THAP12: variants seen among roughly 807,000 people sequenced by gnomAD.
The protein encoded by THAP12 is 52 kDa repressor of the inhibitor of the protein kinase.
Under a neutral mutation model 63.0 loss-of-function variants are expected in THAP12, and 20 were observed. The observed-to-expected ratio is 0.32, with a 90% CI of 0.22 to 0.46. The LOEUF (loss-of-function observed/expected upper bound fraction) is 0.46. Among genes scored for constraint, THAP12 ranks in the 20% least tolerant of loss-of-function variants. The pLI, the probability that THAP12 is intolerant of heterozygous loss-of-function variation, is 1.00. For synonymous variants in THAP12, 264 were observed against 328.4 expected, an observed-to-expected ratio of 0.80 and a Z score of 2.12; for missense variants, 568 against 908.2, an observed-to-expected ratio of 0.63 and a Z score of 4.81.
chr11:76,362,836 T>A (rs1405068187), intron 2 of THAP12, among the ~76,000 whole-genome samples: 1 of 152,048 alleles, frequency 6.6e-6, no homozygotes, highest in African/African-American at 2.4e-5. Flanking sequence ...ATGAAAAAAA[T>A]GACATTTTAC....
intron 1 of THAP12, among the ~76,000 whole-genome samples, chr11:76,375,624 C>G (rs1200557122): frequency 2.0e-5 from 3 of 151,690 alleles, no homozygotes; most frequent in Non-Finnish European, 4.4e-5. Flanking sequence ...GGGAAATGTA[C>G]TGTTTTAATA....
chr11:76,372,367 A>G (rs1590806377), intron 1 of THAP12, among the ~76,000 whole-genome samples: 1 of 150,738 alleles, frequency 6.6e-6, no homozygotes, highest in Non-Finnish European at 1.5e-5. Flanking sequence ...CAGCATTTCT[A>G]AAAGTGTATT....
chr11:76,370,887 TC>T (rs1946669913), intron 1 of THAP12, among the ~76,000 whole-genome samples: 2 of 151,582 alleles, frequency 1.3e-5, no homozygotes, highest in African/African-American at 4.8e-5. Context: ...ACATGTGTAT[TC>T]ATATGTGTAT....
chr11:76,351,041 A>G lies in THAP12; in HGVS notation c.2109T>C (p.Arg703=). The change falls in exon 5 of 5, where the codon CGT becomes CGC. Residue 703 remains arginine, a synonymous_variant. Coordinates refer to ENST00000260045, the MANE Select transcript of THAP12 (RefSeq NM_004705.4). ...AAGTGTTCCTCAAATATGCTTTAAG[A>G]CGCTTTCGTCCATTTTCATACCGCT... ...ENERYENGRK[R]LKAYLRNTLT... is the part of the protein sequence containing the mutation. 1 of 1,612,018 alleles carries G rather than the reference A, an allele frequency of 6.2e-7. No individual in the cohort carries two copies. Among genetic ancestry groups the G allele is most frequent in the Non-Finnish European group, 8.5e-7 (1 of 1,179,830 alleles).
chr11:76,359,967 A>G lies in THAP12; in HGVS notation c.318+989T>C, dbSNP rs193228098. ...AACAGTGTGGTATAGTTGCAAACAA[A>G]TAATACAGTGAAATGGAACAGAACT... On this transcript the variant is annotated intron_variant, in intron 3 of 4. Coordinates refer to ENST00000260045, the MANE Select transcript of THAP12 (RefSeq NM_004705.4). 1.3e-4 allele frequency among the ~76,000 whole-genome samples: 20 copies of G among 152,360 alleles called. No individual in the cohort carries two copies. In the East Asian group the frequency reaches 3.5e-3, roughly 26 times the overall value.
intron 1 of THAP12, among the ~76,000 whole-genome samples, chr11:76,370,841 A>AT (rs1555025523): frequency 0.026 from 2,543 of 96,224 alleles, 29 homozygotes; most frequent in East Asian, 0.044. Flanking sequence ...AAAAAAAAAA[A>AT]AAATATATAT....
chr11:76,355,399 G>A (rs552691452), intron 4 of THAP12, among the ~76,000 whole-genome samples: 2 of 152,230 alleles, frequency 1.3e-5, no homozygotes, highest in Non-Finnish European at 2.9e-5. Flanking sequence ...CATGAGGCCT[G>A]CATATAGCAT....
chr11:76,355,492 A>C, intron 4 of THAP12, 126 bp downstream of exon 4: 1 of 845,260 alleles, frequency 1.2e-6, no homozygotes, highest in Non-Finnish European at 1.7e-6. Flanking sequence ...ACAGGACAAA[A>C]TTGAGCACAC....
intron 1 of THAP12, among the ~76,000 whole-genome samples, chr11:76,366,195 T>C (rs1301758732): frequency 1.3e-5 from 2 of 152,158 alleles, no homozygotes; most frequent in Non-Finnish European, 2.9e-5. Context: ...AGTAACTTGT[T>C]TGGAGGGAAG....
chr11:76,376,035 G>C (rs529869218), intron 1 of THAP12, among the ~76,000 whole-genome samples: 1 of 152,266 alleles, frequency 6.6e-6, no homozygotes, highest in South Asian at 2.1e-4. Flanking sequence ...GTGGATTCGA[G>C]GTTACCAAAG....
In THAP12 at chr11:76,380,748, C is replaced by A; in HGVS notation, c.89G>T (p.Arg30Ile). Residue 30 changes from arginine to isoleucine, a missense_variant and splice_region_variant, in exon 1 of 5, where the codon AGA becomes ATA. Transcript: ENST00000260045. ...AFFRFPRDPARCQKWVENCRR... is the reference protein window; with the variant it reads ...AFFRFPRDPAICQKWVENCRR... ...CGCCCGCTCTGCGCCCGCCGCTTAC[C>A]TGGCAGGGTCCCGCGGGAACCTGAA... 6.9e-7 allele frequency: 1 copy of A among 1,446,392 alleles called. No homozygotes were observed. Among genetic ancestry groups the A allele is most frequent in the Non-Finnish European group, 9.2e-7 (1 of 1,091,696 alleles). The allele number at this position is 1,446,392 out of a possible 1,614,324, so 89.6% of individuals were successfully genotyped here. A position where few individuals can be genotyped will look rare whatever the true frequency, so the allele number is the denominator to read the frequency against.
chr11:76,375,004 C>T (rs1247995239), intron 1 of THAP12, among the ~76,000 whole-genome samples: 1 of 152,188 alleles, frequency 6.6e-6, no homozygotes, highest in East Asian at 1.9e-4. Flanking sequence ...TTGGACTTCC[C>T]AGCTTCCAGA....
rs557635816 is a variant in THAP12 at position 76,380,917 on chromosome 11, G to A, written c.-81C>T. 1.1e-3 allele frequency: 1,018 copies of A among 941,814 alleles called. 2 individuals carry two copies. The highest frequency in any genetic ancestry group is 1.9e-3 in the South Asian group (38 of 20,506). 58.3% of individuals were successfully genotyped at this position (941,814 alleles called of 1,614,324 possible). On this transcript the variant is annotated 5_prime_UTR_variant, in exon 1 of 5. Transcript: ENST00000260045. ...CCGCCCGCCCGTCGGGGCCGGGGAGGGGAGCCAGGCCGGCCGGCCGGCTCG... is the reference window on the plus strand; with the variant it reads ...CCGCCCGCCCGTCGGGGCCGGGGAGAGGAGCCAGGCCGGCCGGCCGGCTCG...
chr11:76,373,599 A>G (rs960637000), intron 1 of THAP12, among the ~76,000 whole-genome samples: 1 of 151,894 alleles, frequency 6.6e-6, no homozygotes, highest in South Asian at 2.1e-4. Flanking sequence ...ATGGGCACCT[A>G]TAGTCCCAGG....
intron 1 of THAP12, among the ~76,000 whole-genome samples, chr11:76,366,240 G>C (rs149093717): frequency 1.8e-3 from 268 of 152,240 alleles, no homozygotes; most frequent in Admixed American, 3.9e-3. Flanking sequence ...ACTGAAACCT[G>C]CATCTTCCAA....
chr11:76,376,982 C>A (rs1218748531), intron 1 of THAP12, among the ~76,000 whole-genome samples: 1 of 152,094 alleles, frequency 6.6e-6, no homozygotes, highest in Non-Finnish European at 1.5e-5. Context: ...GACTAAGATG[C>A]TCCTCTCCTC....
At chr11:76,354,377 C>A (rs1461200824) in intron 4 of THAP12, among the ~76,000 whole-genome samples, 1 of 152,186 alleles carries the variant, frequency 6.6e-6, no homozygotes, top group Non-Finnish European at 1.5e-5. Context: ...TGGACGCCTG[C>A]CTGTCTGGCT....
At chr11:76,377,570 T>G (rs963669607) in intron 1 of THAP12, among the ~76,000 whole-genome samples, 1 of 152,284 alleles carries the variant, frequency 6.6e-6, no homozygotes, top group Non-Finnish European at 1.5e-5. Context: ...TACTGTAGTA[T>G]GTACTGGCAC....
At position 76,360,977 on chromosome 11, in the gene THAP12, G is replaced by A. The variant is rs752470796; in HGVS notation, c.297C>T (p.His99=). 4 of 1,604,806 alleles carry A rather than the reference G, an allele frequency of 2.5e-6. No individual in the cohort carries two copies. The highest frequency in any genetic ancestry group is 1.7e-5 in the Admixed American group (1 of 59,944). The change falls in exon 3 of 5, where the codon CAC becomes CAT. Residue 99 remains histidine (H), a synonymous_variant. Transcript: ENST00000260045. ...ATACCAGTTCTTTTATTCGTTTTCTGTGTCTACTATGTGGGTTGTTCAAAT... is the reference window on the plus strand; with the variant it reads ...ATACCAGTTCTTTTATTCGTTTTCTATGTCTACTATGTGGGTTGTTCAAAT... ...TSHLNNPHSR[H]RKRIKELSED...
Sources: gnomAD v4.1 joint callset for allele counts (sites outside exome capture counted in the v4.1 genomes callset) on GRCh38, gnomAD v4.1.1 for gene constraint, MANE v1.5 for transcripts, NCBI Gene and HGNC (gene_info 2026-07-23, HGNC 2026-07-21) for gene names.